HYAL4: variants seen among roughly 807,000 people sequenced by gnomAD.
The protein encoded by HYAL4 is hyaluronidase-4.
HYAL4 carries 37 observed loss-of-function variants against 35.2 expected under a neutral mutation model. The observed-to-expected ratio is 1.05, with a 90% CI of 0.81 to 1.38. The LOEUF is 1.38. Among genes scored for constraint, HYAL4 ranks in the 40% most tolerant of loss-of-function variants. The probability of loss-of-function intolerance (pLI) is 0.00; values close to 1 mark genes in which losing one functional copy is unlikely to be tolerated. For synonymous variants in HYAL4, 198 were observed against 203.2 expected (o/e 0.97, Z 0.22); for missense variants, 572 against 572.4 (o/e 1.00, Z 0.01).
chr7:123,782,906 A>G, the HYAL4 span, among the ~76,000 whole-genome samples: 1 of 152,108 alleles, frequency 6.6e-6, no homozygotes, highest in Non-Finnish European at 1.5e-5. Context: ...AAATTAGTTT[A>G]ACCATATTCA....
chr7:123,792,419 T>C, the HYAL4 span, among the ~76,000 whole-genome samples: 4 of 152,216 alleles, frequency 2.6e-5, no homozygotes, highest in African/African-American at 9.6e-5. Context: ...TAAATTACCT[T>C]GCTGAGGTTC....
intron 1 of HYAL4, among the ~76,000 whole-genome samples, chr7:123,835,049 TG>T (rs946424995): frequency 6.6e-6 from 1 of 152,126 alleles, no homozygotes; most frequent in Non-Finnish European, 1.5e-5. Flanking sequence ...TGTTTTTTTT[TG>T]GTTATGTCCT....
the HYAL4 span, among the ~76,000 whole-genome samples, chr7:123,816,751 A>G: frequency 5.3e-5 from 8 of 152,310 alleles, no homozygotes; most frequent in Admixed American, 3.3e-4. Context: ...TCACCTGAGC[A>G]TTATATTGAA....
chr7:123,799,817 A>G, the HYAL4 span, among the ~76,000 whole-genome samples: 1 of 152,134 alleles, frequency 6.6e-6, no homozygotes, highest in Non-Finnish European at 1.5e-5. Flanking sequence ...TTCTAATATG[A>G]ATTTTTGTTT....
chr7:123,774,397 C>G, the HYAL4 span, among the ~76,000 whole-genome samples: 1 of 152,052 alleles, frequency 6.6e-6, no homozygotes, highest in Admixed American at 6.6e-5. Context: ...TGCTCCTTTG[C>G]CTTGATCTTC....
At chr7:123,793,602 G>A in the HYAL4 span, among the ~76,000 whole-genome samples, 59 of 152,260 alleles carry the variant, frequency 3.9e-4, no homozygotes, top group African/African-American at 1.3e-3. Flanking sequence ...CTTTATAAGC[G>A]ACTTTCCCAC....
chr7:123,859,729 G>A (rs763431747), intron 2 of HYAL4, among the ~76,000 whole-genome samples: 3 of 152,134 alleles, frequency 2.0e-5, no homozygotes, highest in Non-Finnish European at 2.9e-5. Flanking sequence ...AGTCAGAATC[G>A]ATTTGCATCT....
chr7:123,774,592 T>A, the HYAL4 span, among the ~76,000 whole-genome samples: 2 of 152,180 alleles, frequency 1.3e-5, no homozygotes, highest in Non-Finnish European at 2.9e-5. Flanking sequence ...AGTCATAGGA[T>A]CTCCTTGAAA....
chr7:123,819,503 A>G, the HYAL4 span: 1 of 151,994 alleles, frequency 6.6e-6, no homozygotes, highest in Non-Finnish European at 1.5e-5. Context: ...TTTTTTTCGC[A>G]TCAGAGTCAA....
chr7:123,852,151 T>C (rs1290453108), intron 2 of HYAL4, among the ~76,000 whole-genome samples: 4 of 152,200 alleles, frequency 2.6e-5, no homozygotes, highest in Admixed American at 2.6e-4. Flanking sequence ...TTTTGTCAGA[T>C]GGGTAGATTG....
At chr7:123,837,038 A>C (rs2859847) in intron 1 of HYAL4, among the ~76,000 whole-genome samples, 2 of 148,574 alleles carry the variant, frequency 1.3e-5, no homozygotes, top group African/African-American at 2.5e-5. Flanking sequence ...AAACAGAAAC[A>C]AAAAAAAAAG....
chr7:123,806,195 A>G, the HYAL4 span, among the ~76,000 whole-genome samples: 1 of 152,118 alleles, frequency 6.6e-6, no homozygotes, highest in South Asian at 2.1e-4. Flanking sequence ...CAAATTATTG[A>G]TGAGGTGAGA....
At chr7:123,849,091 T>C (rs1806238194) in intron 2 of HYAL4, among the ~76,000 whole-genome samples, 1 of 152,158 alleles carries the variant, frequency 6.6e-6, no homozygotes, top group Non-Finnish European at 1.5e-5. Flanking sequence ...TCATTCAACC[T>C]GTTAAAGAGA....
Position 123,869,212 on chromosome 7 carries a change from A to AT in HYAL4, c.944dup (p.Leu316ProfsTer3). 1 of 1,595,680 alleles carries AT rather than the reference A, an allele frequency of 6.3e-7. No individual in the cohort carries two copies. Among genetic ancestry groups the AT allele is most frequent in the Non-Finnish European group, 8.5e-7 (1 of 1,170,348 alleles). ...GGCTAGGGTACAGAGATGAACCTTT[A>AT]TTTTTCCTTTCTAAGGTAAGAAGCT... On this transcript the variant is annotated frameshift_variant, in exon 3 of 5. Transcript: ENST00000223026. LOFTEE classifies it high-confidence loss of function.
At chr7:123,826,177 T>C (rs141596954), upstream of HYAL4, among the ~76,000 whole-genome samples, 1 of 152,234 alleles carries the variant, frequency 6.6e-6, no homozygotes, top group Admixed American at 6.6e-5. Flanking sequence ...ATGGGTAGAA[T>C]GTCACTTGCT....
At position 123,853,527 on chromosome 7, in the gene HYAL4, G is replaced by A. The variant is rs1189319932; in HGVS notation, c.-52+5369G>A. On this transcript the variant is annotated intron_variant, in intron 2 of 4. Coordinates refer to ENST00000223026, the MANE Select transcript of HYAL4 (RefSeq NM_012269.3). ...TTGGTTCTGTTGATGTATGGATTAC[G>A]TTTATTGATTTGCATATGTTGAACC... Among the ~76,000 whole-genome samples the A allele has an allele frequency of 1.1e-4, 16 of 152,262 alleles. No homozygotes were observed. The East Asian group carries it at 2.5e-3, about 24-fold the overall frequency.
the HYAL4 span, among the ~76,000 whole-genome samples, chr7:123,772,783 C>T: frequency 0.066 from 10,047 of 152,230 alleles, 414 homozygotes; most frequent in East Asian, 0.11. Flanking sequence ...CTGATGAAAG[C>T]TGCTTCTGTG....
chr7:123,820,577 C>CAAA, the HYAL4 span, among the ~76,000 whole-genome samples: 1 of 145,378 alleles, frequency 6.9e-6, no homozygotes. Flanking sequence ...GAGTGAAACT[C>CAAA]CATCTCAAAA....
At chr7:123,780,589 G>GAGT in the HYAL4 span, among the ~76,000 whole-genome samples, 1 of 152,154 alleles carries the variant, frequency 6.6e-6, no homozygotes, top group Admixed American at 6.5e-5. Flanking sequence ...AAATATCTAA[G>GAGT]AGTAGTTTTA....
Sources: gnomAD v4.1 joint callset for allele counts (sites outside exome capture counted in the v4.1 genomes callset) on GRCh38, gnomAD v4.1.1 for gene constraint, MANE v1.5 for transcripts, NCBI Gene and HGNC (gene_info 2026-07-23, HGNC 2026-07-21) for gene names.